PTPRD: variants seen among roughly 807,000 people sequenced by gnomAD.
PTPRD encodes the protein receptor-type tyrosine-protein phosphatase delta.
Under a neutral mutation model 214.5 loss-of-function variants are expected in PTPRD, and 34 were observed. The observed-to-expected ratio is 0.16, with a 90% CI of 0.12 to 0.21. The LOEUF (loss-of-function observed/expected upper bound fraction) is 0.21, where lower values mean the gene tolerates loss of function less well. PTPRD is among the 10% of genes least tolerant of loss of function. PTPRD has a pLI of 1.00. For synonymous variants in PTPRD, 1,128 were observed against 845.7 expected (o/e 1.33, Z -5.79); for missense variants, 2,545 against 2,398.7 (o/e 1.06, Z -1.27).
At position 10,516,157 on chromosome 9, in the gene PTPRD, T is replaced by C. The variant is rs561224488; in HGVS notation, c.-600+96241A>G. Among the ~76,000 whole-genome samples the C allele has an allele frequency of 1.4e-4, 21 of 152,046 alleles. No homozygotes were observed. The South Asian group carries it at 4.3e-3, about 31-fold the overall frequency. ...ATTTTTTGAAAAACTTCCACAATAT[T>C]TTCCACAGTTGTTTCACATTTTATA... On this transcript the variant is annotated intron_variant, in intron 2 of 45. Transcript: ENST00000381196.
intron 10 of PTPRD, among the ~76,000 whole-genome samples, chr9:9,114,876 G>T (rs1005479804): frequency 1.3e-5 from 2 of 152,042 alleles, no homozygotes; most frequent in African/African-American, 4.8e-5. Context: ...GCAGATTATA[G>T]GACATTTAGG....
At chr9:10,581,319 A>G (rs1567047637) in intron 2 of PTPRD, among the ~76,000 whole-genome samples, 1 of 152,232 alleles carries the variant, frequency 6.6e-6, no homozygotes, top group Non-Finnish European at 1.5e-5. Context: ...AAAGAAATAT[A>G]TAAGAAATGC....
intron 8 of PTPRD, among the ~76,000 whole-genome samples, chr9:9,457,985 A>C (rs1218084593): frequency 6.9e-6 from 1 of 145,626 alleles, no homozygotes; most frequent in African/African-American, 2.6e-5. Flanking sequence ...TATTTCATAA[A>C]TAATAAGTGG....
intron 2 of PTPRD, among the ~76,000 whole-genome samples, chr9:10,557,687 C>T (rs1656454851): frequency 2.0e-5 from 3 of 152,018 alleles, no homozygotes; most frequent in Non-Finnish European, 2.9e-5. Context: ...ATGTTTACCC[C>T]TGGACCAGTC....
chr9:9,811,974 T>C (rs964135962), intron 5 of PTPRD, among the ~76,000 whole-genome samples: 6 of 152,108 alleles, frequency 3.9e-5, no homozygotes, highest in Non-Finnish European at 8.8e-5. Flanking sequence ...CTTAAAAAAA[T>C]GCACCAGCTA....
intron 10 of PTPRD, among the ~76,000 whole-genome samples, chr9:9,160,157 A>T (rs77438239): frequency 6.6e-6 from 1 of 152,196 alleles, no homozygotes; most frequent in Non-Finnish European, 1.5e-5. Flanking sequence ...ATTATTCCTA[A>T]AGCACAAGAT....
chr9:8,642,523 G>A (rs553381394), intron 12 of PTPRD, among the ~76,000 whole-genome samples: 1 of 152,272 alleles, frequency 6.6e-6, no homozygotes, highest in South Asian at 2.1e-4. Context: ...AGTGCCTGTA[G>A]AATTTATGAG....
At chr9:10,136,578 A>T (rs2098945764) in intron 3 of PTPRD, among the ~76,000 whole-genome samples, 1 of 86,502 alleles carries the variant, frequency 1.2e-5, no homozygotes, top group Non-Finnish European at 2.3e-5. Context: ...TAAACGTTAA[A>T]CCTAAAACCA....
intron 5 of PTPRD, among the ~76,000 whole-genome samples, chr9:9,814,902 C>T (rs537696168): frequency 1.3e-3 from 201 of 149,248 alleles, no homozygotes; most frequent in Middle Eastern, 0.01. Context: ...TGGGCTCAAG[C>T]GATCCTTTCA....
intron 7 of PTPRD, among the ~76,000 whole-genome samples, chr9:9,629,047 A>G (rs1228479558): frequency 4.6e-5 from 7 of 151,462 alleles, no homozygotes; most frequent in Admixed American, 3.9e-4. Context: ...GGTGGTGTGC[A>G]CCTGTAATCC....
intron 8 of PTPRD, among the ~76,000 whole-genome samples, chr9:9,493,136 T>G (rs1356173203): frequency 6.6e-6 from 1 of 151,838 alleles, no homozygotes; most frequent in South Asian, 2.1e-4. Context: ...CATCTCTCAC[T>G]GTAAATAAAG....
intron 34 of PTPRD, among the ~76,000 whole-genome samples, chr9:8,446,649 T>G (rs2095740215): frequency 6.6e-6 from 1 of 152,182 alleles, no homozygotes. Context: ...TAATAAATAT[T>G]CTCAAGCGTT....
At chr9:9,288,957 T>C (rs975412959) in intron 9 of PTPRD, among the ~76,000 whole-genome samples, 21 of 151,892 alleles carry the variant, frequency 1.4e-4, no homozygotes, top group African/African-American at 5.1e-4. Context: ...GCCATGATTA[T>C]AAGTTTCCTG....
intron 33 of PTPRD, chr9:8,454,559 GGTTT>G (rs1564930266): frequency 1.9e-6 from 3 of 1,612,530 alleles, no homozygotes; most frequent in Non-Finnish European, 2.5e-6. Flanking sequence ...ACATTAAAGG[GGTTT>G]GTTCTCTATT....
chr9:10,339,742 T>C (rs766884261), intron 3 of PTPRD, among the ~76,000 whole-genome samples: 1 of 151,724 alleles, frequency 6.6e-6, no homozygotes, highest in Non-Finnish European at 1.5e-5. Context: ...ACAGGAAACC[T>C]TGGTCTCATT....
chr9:10,230,436 GTATC>G (rs59835845), intron 3 of PTPRD, among the ~76,000 whole-genome samples: 1,856 of 140,722 alleles, frequency 0.013, 36 homozygotes, highest in African/African-American at 0.043. Flanking sequence ...ATGTATCTAT[GTATC>G]TATCTATCTA....
intron 14 of PTPRD, among the ~76,000 whole-genome samples, chr9:8,623,738 G>T (rs1313162871): frequency 6.6e-6 from 1 of 151,746 alleles, no homozygotes; most frequent in African/African-American, 2.4e-5. Context: ...GACAGATGCT[G>T]AAGCTTAGAG....
At chr9:9,778,553 A>T (rs2761722) in intron 5 of PTPRD, among the ~76,000 whole-genome samples, 61,571 of 151,770 alleles carry the variant, frequency 0.41, 12,698 homozygotes, top group African/African-American at 0.49. Flanking sequence ...CCCCATGACT[A>T]AGGCATGTCT....
intron 5 of PTPRD, among the ~76,000 whole-genome samples, chr9:9,797,482 A>T (rs1322380427): frequency 6.6e-6 from 1 of 152,122 alleles, no homozygotes; most frequent in Non-Finnish European, 1.5e-5. Context: ...ATGGACCAAA[A>T]ATCTAGAAAA....
Sources: gnomAD v4.1 joint callset for allele counts (sites outside exome capture counted in the v4.1 genomes callset) on GRCh38, gnomAD v4.1.1 for gene constraint, MANE v1.5 for transcripts, NCBI Gene and HGNC (gene_info 2026-07-23, HGNC 2026-07-21) for gene names.